The following KIFC3 variants were observed in gnomAD, a reference collection of about 807,000 sequenced individuals.
KIFC3 encodes kinesin family member C3, also known as kinesin-like protein KIFC3.
A neutral mutation model predicts 101.8 loss-of-function variants in KIFC3; 60 were observed. The ratio of observed to expected loss-of-function variants is 0.59; its 90% CI spans 0.48 to 0.73. The LOEUF (loss-of-function observed/expected upper bound fraction) is 0.73, where lower values mean the gene tolerates loss of function less well. KIFC3 is among the 30% of genes least tolerant of loss of function. The pLI is 0.00. For missense variants in KIFC3, 966 were observed against 1,137.1 expected (o/e 0.85, Z 2.16); for synonymous variants, 476 against 482.7 (o/e 0.99, Z 0.18).
chr16:57,764,264 A>G lies in KIFC3; in HGVS notation c.1513-17T>C. ...CTGGAACACCTGGGAGGGTGGTGGG[A>G]GGGAGGCTGGTGGGGGGGCTTCCAG... On this transcript the variant is annotated splice_polypyrimidine_tract_variant and intron_variant, in intron 11 of 19. Coordinates refer to ENST00000445690, the MANE Select transcript of KIFC3 (RefSeq NM_001130100.2). 4.6e-5 allele frequency: 26 copies of G among 564,688 alleles called. No homozygotes were observed. Among genetic ancestry groups the G allele is most frequent in the Non-Finnish European group, 7.3e-5 (22 of 299,448 alleles). 35.0% of individuals were successfully genotyped at this position (564,688 alleles called of 1,614,324 possible).
At chr16:57,815,333 C>A in intron 1 of KIFC3, 1 of 721,310 alleles carries the variant, frequency 1.4e-6, no homozygotes, top group Non-Finnish European at 1.8e-6. Context: ...ACCAGAGTAG[C>A]TCCGGGTTGC....
rs1555623868 is a variant in KIFC3, at chr16:57,798,130, G to C, written c.114C>G (p.Ala38=). 3 of 1,561,646 alleles carry C rather than the reference G, an allele frequency of 1.9e-6. No individual in the cohort carries two copies. The highest frequency in any genetic ancestry group is 2.6e-6 in the Non-Finnish European group (3 of 1,153,582). Residue 38 remains alanine (A), a synonymous_variant, in exon 2 of 20, where the codon GCC becomes GCG. Coordinates refer to ENST00000445690, the MANE Select transcript of KIFC3 (RefSeq NM_001130100.2). Reference sequence around the variant, plus strand: ...AAGGGCGGGCGGCCGGGCTGGCTGGGGCTGGGGCGGGGCGAGCCATCCCCG... The same window carrying C: ...AAGGGCGGGCGGCCGGGCTGGCTGGCGCTGGGGCGGGGCGAGCCATCCCCG... The part of the protein sequence containing the change: ...PEPGMARPAP[A]PASPAARPFP...
chr16:57,783,580 C>T (rs1231421593), intron 3 of KIFC3, among the ~76,000 whole-genome samples: 1 of 149,150 alleles, frequency 6.7e-6, no homozygotes, highest in East Asian at 2.0e-4. Flanking sequence ...TCAAGCAATT[C>T]TCCTGCCTCA....
chr16:57,797,310 C>A (rs1424023283), intron 2 of KIFC3, among the ~76,000 whole-genome samples: 1 of 152,218 alleles, frequency 6.6e-6, no homozygotes, highest in African/African-American at 2.4e-5. Context: ...GGCACCTTGC[C>A]TGGAGAGCCC....
At chr16:57,762,687 C>G (rs539512469) in intron 12 of KIFC3, among the ~76,000 whole-genome samples, 2 of 152,244 alleles carry the variant, frequency 1.3e-5, no homozygotes, top group South Asian at 4.1e-4. Flanking sequence ...AGAGAGGAGG[C>G]ACAAGGAGGA....
At chr16:57,840,717 G>A (rs1391018712) in intron 1 of KIFC3, among the ~76,000 whole-genome samples, 4 of 146,650 alleles carry the variant, frequency 2.7e-5, no homozygotes, top group South Asian at 2.2e-4. Flanking sequence ...CCGAGATCTC[G>A]CCACCGCACT....
chr16:57,761,495 CG>C lies in KIFC3; in HGVS notation c.1789del (p.Arg597GlyfsTer15). ...GKEPQEKLEI[R>X]LCPDGSGQLY... ...CTGCCCACTGCCGTCTGGGCACAGC[CG>C]GATCTCCAGTTTTTCCTGAGGCTCT... On this transcript the variant is annotated frameshift_variant, in exon 14 of 20. Transcript: ENST00000445690. LOFTEE classifies it high-confidence loss of function. 1 of 1,613,876 alleles carries C rather than the reference CG, an allele frequency of 6.2e-7. No homozygotes were observed. The highest frequency in any genetic ancestry group is 8.5e-7 in the Non-Finnish European group (1 of 1,179,876).
At chr16:57,771,133 GCTAGCC>G in intron 6 of KIFC3, 59 bp downstream of exon 6, 1 of 1,584,960 alleles carries the variant, frequency 6.3e-7, no homozygotes, top group Non-Finnish European at 8.6e-7. Flanking sequence ...CCCCTTATGG[GCTAGCC>G]CTGCCCCAGG....
At chr16:57,768,114 T>TC (rs1387939415) in intron 9 of KIFC3, among the ~76,000 whole-genome samples, 1 of 152,054 alleles carries the variant, frequency 6.6e-6, no homozygotes, top group African/African-American at 2.4e-5. Flanking sequence ...TCACCTGAGG[T>TC]CAGGAGTTCA....
intron 1 of KIFC3, among the ~76,000 whole-genome samples, chr16:57,836,959 G>T (rs1303687403): frequency 6.6e-6 from 1 of 152,174 alleles, no homozygotes; most frequent in Non-Finnish European, 1.5e-5. Flanking sequence ...CTCCCAAAGT[G>T]TTGAGATTAC....
At chr16:57,761,362 T>C in intron 14 of KIFC3, 51 bp downstream of exon 14, 2 of 1,611,760 alleles carry the variant, frequency 1.2e-6, no homozygotes, top group African/African-American at 1.3e-5. Context: ...TCAAACCCAG[T>C]TGTGTCCTCT....
intron 1 of KIFC3, among the ~76,000 whole-genome samples, chr16:57,855,201 T>C (rs1252158144): frequency 6.7e-6 from 1 of 149,486 alleles, no homozygotes; most frequent in Non-Finnish European, 1.5e-5. Context: ...CTTGGCTCAC[T>C]GAAACCTTCG....
chr16:57,795,533 C>T lies in KIFC3; in HGVS notation c.173-392G>A, dbSNP rs549787864. Among the ~76,000 whole-genome samples the T allele has an allele frequency of 1.2e-4, 19 of 152,362 alleles. No homozygotes were observed. In the South Asian group the frequency reaches 3.7e-3, roughly 30 times the overall value. ...AGGGGCTATGGCTTTATTACCCCGG[C>T]TGCCTCTAGGTGGCAATTTCTTCCC... On this transcript the variant is annotated intron_variant, in intron 2 of 19. Transcript: ENST00000445690.
chr16:57,783,661 C>A (rs902712238), intron 3 of KIFC3, among the ~76,000 whole-genome samples: 1 of 151,882 alleles, frequency 6.6e-6, no homozygotes, highest in Non-Finnish European at 1.5e-5. Context: ...TTAGTAGAGA[C>A]GGGGTTTCAC....
chr16:57,776,995 T>C (rs2052179956), intron 3 of KIFC3: 1 of 152,306 alleles, frequency 6.6e-6, no homozygotes, highest in Admixed American at 6.5e-5. Flanking sequence ...ACTAATAAAT[T>C]CAGCAAAGTT....
intron 3 of KIFC3, chr16:57,785,502 T>C: frequency 7.8e-7 from 1 of 1,289,114 alleles, no homozygotes. Context: ...TGCTGGTCAC[T>C]GTCGCGGAGG....
chr16:57,797,424 C>G (rs35820612), intron 2 of KIFC3, among the ~76,000 whole-genome samples: 12,881 of 152,260 alleles, frequency 0.085, 604 homozygotes, highest in South Asian at 0.12. Context: ...TCAGAGAAGC[C>G]GCTCACTTCT....
At chr16:57,815,296 C>A (rs1000060520) in intron 1 of KIFC3, 1 of 417,622 alleles carries the variant, frequency 2.4e-6, no homozygotes, top group South Asian at 3.8e-5. Context: ...GGGAGGCTGA[C>A]TGGAGGCAGA....
intron 3 of KIFC3, among the ~76,000 whole-genome samples, chr16:57,780,666 A>C (rs1165649424): frequency 8.1e-6 from 1 of 123,444 alleles, no homozygotes; most frequent in African/African-American, 2.9e-5. Flanking sequence ...TCTGAAGACA[A>C]ATTTTTTTTT....
Sources: allele counts gnomAD v4.1 joint callset (sites outside exome capture counted in the v4.1 genomes callset), GRCh38; gene constraint gnomAD v4.1.1; transcripts MANE v1.5; gene names NCBI Gene and HGNC (gene_info 2026-07-23, HGNC 2026-07-21).